PFKFB1: variants seen among roughly 807,000 people sequenced by gnomAD.
PFKFB1 encodes 6-phosphofructo-2-kinase/fructose-2,6-bisphosphatase 1.
In PFKFB1, 34 loss-of-function variants were observed where a neutral mutation model predicts 46.4. The ratio of observed to expected loss-of-function variants is 0.73; its 90% confidence interval spans 0.56 to 0.98. PFKFB1 has a LOEUF of 0.98. Ranked by LOEUF, PFKFB1 falls within the 50% of genes least tolerant of loss-of-function variation. PFKFB1 has a pLI of 0.00. For missense variants in PFKFB1, 393 were observed against 376.3 expected (o/e 1.04, Z -0.37); for synonymous variants, 119 against 133.8 (o/e 0.89, Z 0.76).
chrX:54,983,815 T>A (rs1191312270), intron 1 of PFKFB1, among the ~76,000 whole-genome samples: 1 of 111,749 alleles, frequency 8.9e-6, no homozygotes, highest in Non-Finnish European at 1.9e-5. Context: ...TCTTCTGCAA[T>A]CTCACCAGTA....
At position 54,937,604 on chromosome X, in the gene PFKFB1, T is replaced by C; in HGVS notation, c.1219A>G (p.Lys407Glu). ...GAGATGAGGGTAGTACCTGAACTTT[T>C]ATCCAGGAAATAGGCCAGGAGGCAC... is the stretch of plus-strand genomic sequence containing the variant. ...MRCLLAYFLD[K>E]SSDELPYLKC... The change falls in exon 11 of 14, where the codon AAA becomes GAA. Residue 407 changes from lysine (K) to glutamate (E), a missense_variant. Physicochemically the swap from Lys to Glu is moderately conservative, Grantham distance 56. Transcript: ENST00000375006. The C allele has an allele frequency of 8.3e-7, 1 of 1,210,220 alleles. No homozygotes were observed. Among genetic ancestry groups the C allele is most frequent in the Non-Finnish European group, 1.1e-6 (1 of 894,245 alleles).
chrX:54,974,132 G>T (rs1046272079), intron 1 of PFKFB1, among the ~76,000 whole-genome samples: 2 of 111,250 alleles, frequency 1.8e-5, no homozygotes, highest in Admixed American at 1.9e-4. Flanking sequence ...AACTCATATG[G>T]AAGGGCTAAG....
chrX:54,944,216 T>A (rs1232696392), intron 10 of PFKFB1, among the ~76,000 whole-genome samples: 1 of 111,585 alleles, frequency 9.0e-6, no homozygotes, highest in African/African-American at 3.3e-5. Context: ...AGAATCATGA[T>A]GAAAAATTTT....
chrX:54,993,802 A>T, intron 1 of PFKFB1, 109 bp downstream of exon 1: 1 of 1,041,516 alleles, frequency 9.6e-7, no homozygotes, highest in Admixed American at 3.7e-5. Flanking sequence ...ATCTATTCCA[A>T]CTTTTAGGTT....
At chrX:54,935,661 G>A in intron 11 of PFKFB1, among the ~76,000 whole-genome samples, 1 of 112,132 alleles carries the variant, frequency 8.9e-6, no homozygotes, top group East Asian at 2.8e-4. Context: ...GCCTTGAGAG[G>A]GAAAATGCTC....
chrX:54,970,066 A>G (rs1934601494), intron 1 of PFKFB1, among the ~76,000 whole-genome samples: 1 of 110,690 alleles, frequency 9.0e-6, no homozygotes, highest in East Asian at 2.9e-4. Flanking sequence ...GTGCCACCAC[A>G]CTTGGCTAAT....
chrX:54,986,167 AC>A (rs1301390963), intron 1 of PFKFB1, among the ~76,000 whole-genome samples: 1 of 112,186 alleles, frequency 8.9e-6, no homozygotes, highest in Non-Finnish European at 1.9e-5. Flanking sequence ...ACTGAAAGAT[AC>A]AAGGCAGGCC....
At chrX:54,939,195 C>T (rs1354549212) in intron 10 of PFKFB1, among the ~76,000 whole-genome samples, 5 of 111,297 alleles carry the variant, frequency 4.5e-5, no homozygotes, top group Admixed American at 1.9e-4. Context: ...TTGAAACCAA[C>T]GAGAACAAAG....
chrX:54,940,509 A>C (rs1474707521), intron 10 of PFKFB1, among the ~76,000 whole-genome samples: 1 of 111,971 alleles, frequency 8.9e-6, no homozygotes, highest in Admixed American at 9.5e-5. Context: ...TCTCAGCGCA[A>C]AATCTCCTTA....
rs567985124 is a variant in PFKFB1 at position 54,974,077 on chromosome X, A to G, written c.98-10695T>C. On this transcript the variant is annotated intron_variant, in intron 1 of 13. Coordinates refer to ENST00000375006, the MANE Select transcript of PFKFB1 (RefSeq NM_002625.4). The stretch of plus-strand genomic sequence containing the variant: ...CCTATATACGTAACACAATACCAAT[A>G]AAAACCCTATCAGGATATTTTAGAT... 1.0e-3 allele frequency among the ~76,000 whole-genome samples: 114 copies of G among 111,672 alleles called. 1 individual carries two copies. The South Asian group carries it at 0.042, about 41-fold the overall frequency.
intron 1 of PFKFB1, among the ~76,000 whole-genome samples, chrX:54,986,207 T>C (rs1935109195): frequency 8.9e-6 from 1 of 112,088 alleles, no homozygotes; most frequent in African/African-American, 3.2e-5. Flanking sequence ...ATCCGAGCAC[T>C]TTGGGAAACC....
intron 8 of PFKFB1, among the ~76,000 whole-genome samples, chrX:54,951,420 G>A (rs1294094776): frequency 8.9e-6 from 1 of 112,155 alleles, no homozygotes; most frequent in Non-Finnish European, 1.9e-5. Flanking sequence ...TGGGGACAGG[G>A]GCTGCCAGTG....
chrX:54,971,557 G>A (rs373949555), intron 1 of PFKFB1, among the ~76,000 whole-genome samples: 1 of 111,352 alleles, frequency 9.0e-6, no homozygotes, highest in South Asian at 3.7e-4. Flanking sequence ...TCTACATATG[G>A]CTAGCCAGTT....
chrX:54,986,833 G>GA (rs1935124814), intron 1 of PFKFB1, among the ~76,000 whole-genome samples: 1 of 111,551 alleles, frequency 9.0e-6, no homozygotes, highest in Admixed American at 9.5e-5. Context: ...TATAAAGTAT[G>GA]TTCTCCAATC....
At chrX:54,941,067 G>C (rs938621021) in intron 10 of PFKFB1, among the ~76,000 whole-genome samples, 2 of 111,650 alleles carry the variant, frequency 1.8e-5, no homozygotes, top group African/African-American at 6.5e-5. Flanking sequence ...GAACAGAACA[G>C]AGCCTTCAGA....
chrX:54,994,208 T>C (rs1935319311), upstream of PFKFB1: 2 of 1,049,065 alleles, frequency 1.9e-6, no homozygotes, highest in Non-Finnish European at 1.2e-6. Flanking sequence ...CTGCCTCTGC[T>C]CCTGTATGTA....
chrX:54,941,108 C>T (rs1933613093), intron 10 of PFKFB1, among the ~76,000 whole-genome samples: 1 of 111,878 alleles, frequency 8.9e-6, no homozygotes, highest in Admixed American at 9.5e-5. Flanking sequence ...ACTATCTGAT[C>T]TTTGACAAAC....
At chrX:54,936,963 AAC>A (rs1933419500) in intron 11 of PFKFB1, among the ~76,000 whole-genome samples, 1 of 111,474 alleles carries the variant, frequency 9.0e-6, no homozygotes, top group Admixed American at 9.5e-5. Flanking sequence ...AAAGTGATAT[AAC>A]AGTTTTTTTT....
chrX:54,943,804 A>T (rs757829262), intron 10 of PFKFB1, among the ~76,000 whole-genome samples: 1 of 111,404 alleles, frequency 9.0e-6, no homozygotes, highest in South Asian at 3.6e-4. Context: ...AAATAAAAAT[A>T]AAAAAGAAAG....
Sources: allele counts gnomAD v4.1 joint callset (sites outside exome capture counted in the v4.1 genomes callset), GRCh38; gene constraint gnomAD v4.1.1; transcripts MANE v1.5; gene names NCBI Gene and HGNC (gene_info 2026-07-23, HGNC 2026-07-21).